The following MACROD2 variants were observed in gnomAD, a reference collection of about 807,000 sequenced individuals.
MACROD2 encodes the protein mono-ADP ribosylhydrolase 2, also known as ADP-ribose glycohydrolase MACROD2.
Under a neutral mutation model 70.4 loss-of-function variants are expected in MACROD2, and 36 were observed. That is an observed-to-expected ratio of 0.51 (90% CI 0.39 to 0.68). The LOEUF (loss-of-function observed/expected upper bound fraction) is 0.68. Among genes scored for constraint, MACROD2 ranks in the 30% least tolerant of loss-of-function variants. The pLI is 0.00. For missense variants in MACROD2, 496 were observed against 538.4 expected, an observed-to-expected ratio of 0.92 and a Z score of 0.78; for synonymous variants, 172 against 178.8, an observed-to-expected ratio of 0.96 and a Z score of 0.30.
At chr20:14,121,725 A>G (rs2054591584) in intron 3 of MACROD2, among the ~76,000 whole-genome samples, 2 of 152,172 alleles carry the variant, frequency 1.3e-5, no homozygotes, top group Admixed American at 1.3e-4. Flanking sequence ...ACAGTTCTAC[A>G]GATGTGTTTT....
chr20:14,163,332 A>C (rs773613597), intron 3 of MACROD2, among the ~76,000 whole-genome samples: 11 of 152,052 alleles, frequency 7.2e-5, no homozygotes, highest in Middle Eastern at 3.4e-3. Context: ...TCTGATGGGG[A>C]TTCCTTTATA....
At chr20:14,740,334 G>A (rs1461926479) in intron 5 of MACROD2, among the ~76,000 whole-genome samples, 1 of 152,010 alleles carries the variant, frequency 6.6e-6, no homozygotes, top group African/African-American at 2.4e-5. Flanking sequence ...CTCAAACGCT[G>A]GTCTGTCTGT....
At chr20:15,635,806 ACCT>A (rs761649894) in intron 8 of MACROD2, among the ~76,000 whole-genome samples, 26 of 152,064 alleles carry the variant, frequency 1.7e-4, no homozygotes, top group Non-Finnish European at 3.2e-4. Flanking sequence ...GGTGGCTCAC[ACCT>A]GTAATCCCAG....
chr20:15,565,308 G>A (rs1248607032), intron 8 of MACROD2, among the ~76,000 whole-genome samples: 1 of 152,178 alleles, frequency 6.6e-6, no homozygotes, highest in East Asian at 1.9e-4. Context: ...GGAGTCTAAA[G>A]TTGCTTTTAG....
chr20:14,260,961 C>T (rs941626998), intron 3 of MACROD2, among the ~76,000 whole-genome samples: 43 of 152,136 alleles, frequency 2.8e-4, no homozygotes, highest in Admixed American at 1.4e-3. Flanking sequence ...CCTTCAATGG[C>T]TTAAGAGTAC....
intron 8 of MACROD2, among the ~76,000 whole-genome samples, chr20:15,805,551 A>G (rs2063761706): frequency 6.6e-6 from 1 of 151,138 alleles, no homozygotes; most frequent in African/African-American, 2.4e-5. Context: ...ATCTCGGCTC[A>G]CCACAACCTC....
At chr20:15,224,921 C>G (rs2145972530) in intron 5 of MACROD2, among the ~76,000 whole-genome samples, 1 of 149,584 alleles carries the variant, frequency 6.7e-6, no homozygotes, top group African/African-American at 2.5e-5. Context: ...GATTGCACCA[C>G]TGCACTGCAG....
At position 15,548,770 on chromosome 20, in the gene MACROD2, C is replaced by T. The variant is rs761359208; in HGVS notation, c.645+48923C>T. 2.6e-5 allele frequency among the ~76,000 whole-genome samples: 4 copies of T among 152,286 alleles called. No individual in the cohort carries two copies. In the East Asian group the frequency reaches 7.7e-4, roughly 29 times the overall value. Reference sequence around the variant, plus strand: ...CCAAGCTAGGTCAGTAAAGGCCATACTATCCTTGGTTCTCATGAGTTACCT... The same window carrying T: ...CCAAGCTAGGTCAGTAAAGGCCATATTATCCTTGGTTCTCATGAGTTACCT... On this transcript the variant is annotated intron_variant, in intron 8 of 17. Coordinates refer to ENST00000684519, the MANE Select transcript of MACROD2 (RefSeq NM_001351661.2).
intron 9 of MACROD2, among the ~76,000 whole-genome samples, chr20:15,879,677 AGGT>A (rs1457740098): frequency 2.0e-5 from 3 of 152,148 alleles, no homozygotes; most frequent in Admixed American, 2.0e-4. Flanking sequence ...TATATTAGTC[AGGT>A]TTTTGCAGAG....
chr20:14,178,726 C>CTTTTTTTT (rs79773305), intron 3 of MACROD2, among the ~76,000 whole-genome samples: 5 of 102,982 alleles, frequency 4.9e-5, no homozygotes, highest in Non-Finnish European at 9.9e-5. Flanking sequence ...GCCAAGTCAG[C>CTTTTTTTT]TTTTTTTTTT....
intron 5 of MACROD2, among the ~76,000 whole-genome samples, chr20:14,999,435 G>A (rs1363644314): frequency 6.6e-6 from 1 of 152,178 alleles, no homozygotes; most frequent in Admixed American, 6.5e-5. Context: ...GATGTAGGAT[G>A]ATGGCTTCAG....
At chr20:14,205,281 C>T (rs183180068) in intron 3 of MACROD2, among the ~76,000 whole-genome samples, 16 of 152,316 alleles carry the variant, frequency 1.1e-4, no homozygotes, top group Non-Finnish European at 1.9e-4. Flanking sequence ...TTTTGCTCCT[C>T]AGCTCAGCTA....
intron 5 of MACROD2, among the ~76,000 whole-genome samples, chr20:15,142,616 C>G (rs986656373): frequency 6.6e-6 from 1 of 151,834 alleles, no homozygotes; most frequent in Non-Finnish European, 1.5e-5. Flanking sequence ...CACCCATTAA[C>G]TCGTCATTTA....
Position 14,862,700 on chromosome 20 carries a change from AAT to A in MACROD2, c.418+177756_418+177757del, listed in dbSNP as rs1237407076. Among the ~76,000 whole-genome samples the A allele has an allele frequency of 8.3e-5, 5 of 60,266 alleles. 1 individual carries two copies. The highest frequency in any genetic ancestry group is 3.3e-4 in the African/African-American group (5 of 15,204). 39.5% of individuals were successfully genotyped at this position (60,266 alleles called of 152,430 possible). On this transcript the variant is annotated intron_variant, in intron 5 of 17. Transcript: ENST00000684519. ...ATAAATATATATATAAATATATATA[AAT>A]ATATATATATATATTTTTTTTTAAT...
Position 15,321,418 on chromosome 20 carries a change from A to G in MACROD2, c.540+91357A>G, listed in dbSNP as rs1600239196. Among the ~76,000 whole-genome samples, 2 of 144,096 alleles carry G rather than the reference A, an allele frequency of 1.4e-5. 1 individual carries two copies. The highest frequency in any genetic ancestry group is 4.0e-4 in the East Asian group (2 of 4,954). 94.5% of individuals were successfully genotyped at this position (144,096 alleles called of 152,430 possible). ...GCAGGCCCATAAACTCCCTTTTGCC[A>G]TTTCCACTTCCCAGTCATATCTTGA... On this transcript the variant is annotated intron_variant, in intron 6 of 17. Transcript: ENST00000684519.
chr20:15,053,964 G>A (rs985991296), intron 5 of MACROD2, among the ~76,000 whole-genome samples: 4 of 152,206 alleles, frequency 2.6e-5, no homozygotes, highest in African/African-American at 9.7e-5. Context: ...GAGTTCAGTG[G>A]AGAAAGTAAC....
chr20:14,235,451 A>T (rs952037936), intron 3 of MACROD2, among the ~76,000 whole-genome samples: 1 of 152,160 alleles, frequency 6.6e-6, no homozygotes, highest in African/African-American at 2.4e-5. Flanking sequence ...TGATTCAAAC[A>T]TCAGGCAGTA....
chr20:14,705,059 C>G (rs964669813), intron 5 of MACROD2, among the ~76,000 whole-genome samples: 1 of 151,862 alleles, frequency 6.6e-6, no homozygotes, highest in African/African-American at 2.4e-5. Context: ...TTAACAGATT[C>G]ATCATCTTAC....
intron 3 of MACROD2, among the ~76,000 whole-genome samples, chr20:14,486,347 C>T (rs891845043): frequency 4.6e-5 from 7 of 152,056 alleles, no homozygotes; most frequent in African/African-American, 1.7e-4. Flanking sequence ...TCTCTCCTGT[C>T]ATCTGCCAGG....
Sources: allele counts gnomAD v4.1 joint callset (sites outside exome capture counted in the v4.1 genomes callset), GRCh38; gene constraint gnomAD v4.1.1; transcripts MANE v1.5; gene names NCBI Gene and HGNC (gene_info 2026-07-23, HGNC 2026-07-21).